The following EGFLAM variants were observed in gnomAD, a reference collection of about 807,000 sequenced individuals.
EGFLAM encodes the protein pikachurin.
EGFLAM carries 79 observed loss-of-function variants against 113.1 expected under a neutral mutation model. The ratio of observed to expected loss-of-function variants is 0.70; its 90% confidence interval spans 0.58 to 0.84. The LOEUF (loss-of-function observed/expected upper bound fraction) is 0.84. Ranked by LOEUF, EGFLAM falls within the 40% of genes least tolerant of loss-of-function variation. EGFLAM has a pLI of 0.00. For missense variants in EGFLAM, 1,265 were observed against 1,291.6 expected, an observed-to-expected ratio of 0.98 and a Z score of 0.32; for synonymous variants, 504 against 487.6, an observed-to-expected ratio of 1.03 and a Z score of -0.44.
chr5:38,337,444 C>G (rs931561612), intron 1 of EGFLAM, 76 bp from the exon 2 acceptor site: 1 of 1,312,034 alleles, frequency 7.6e-7, no homozygotes, highest in Non-Finnish European at 1.0e-6. Context: ...AGATAATGCA[C>G]TCTTAAATCT....
chr5:38,459,947 G>C (rs1010760347), intron 20 of EGFLAM, among the ~76,000 whole-genome samples: 1 of 152,246 alleles, frequency 6.6e-6, no homozygotes. Context: ...AAGAAATGTT[G>C]TCCCATCATG....
chr5:38,318,787 A>G (rs1190663102), intron 1 of EGFLAM, among the ~76,000 whole-genome samples: 1 of 152,110 alleles, frequency 6.6e-6, no homozygotes, highest in Non-Finnish European at 1.5e-5. Flanking sequence ...TACAGGCATG[A>G]GCCACCATGC....
At chr5:38,426,541 A>G (rs1439278884) in intron 13 of EGFLAM, among the ~76,000 whole-genome samples, 2 of 152,238 alleles carry the variant, frequency 1.3e-5, no homozygotes, top group East Asian at 3.8e-4. Context: ...AAAAGAGGGC[A>G]TGTGAGTCAG....
At chr5:38,283,392 T>C (rs1168444503) in intron 1 of EGFLAM, among the ~76,000 whole-genome samples, 1 of 152,186 alleles carries the variant, frequency 6.6e-6, no homozygotes, top group Non-Finnish European at 1.5e-5. Flanking sequence ...AGATCATTCA[T>C]TGTTATAATG....
chr5:38,423,901 A>G (rs1029775120), intron 12 of EGFLAM, among the ~76,000 whole-genome samples: 2 of 152,172 alleles, frequency 1.3e-5, no homozygotes, highest in African/African-American at 4.8e-5. Context: ...AGACTGGACC[A>G]ATTCAAGGAG....
In EGFLAM at chr5:38,406,854, A is replaced by C. The variant is rs780234395; in HGVS notation, c.855A>C (p.Gly285=). The C allele has an allele frequency of 2.5e-6, 4 of 1,613,998 alleles. No individual in the cohort carries two copies. Among genetic ancestry groups the C allele is most frequent in the Non-Finnish European group, 3.4e-6 (4 of 1,179,910 alleles). ...TTAAACCACTTCCTGCTACCAAAGG[A>C]GGGAATAAGAAATTTTTGGTGGAAA... is the stretch of plus-strand genomic sequence containing the variant. ...EEVKPLPATK[G]GNKKFLVESK... is the part of the protein sequence containing the mutation. Residue 285 remains glycine (G), a synonymous_variant, in exon 8 of 22, where the codon GGA becomes GGC. Transcript: ENST00000322350.
chr5:38,376,068 C>T (rs1213315195), intron 6 of EGFLAM, among the ~76,000 whole-genome samples: 3 of 151,402 alleles, frequency 2.0e-5, no homozygotes, highest in Middle Eastern at 3.4e-3. Context: ...TTTTTTTTTT[C>T]CCTGCAAGAA....
intron 1 of EGFLAM, among the ~76,000 whole-genome samples, chr5:38,288,193 G>A (rs1329901775): frequency 6.6e-6 from 1 of 151,942 alleles, no homozygotes; most frequent in Admixed American, 6.6e-5. Context: ...CAGGTTAGAT[G>A]GTCTGCAGAT....
intron 6 of EGFLAM, among the ~76,000 whole-genome samples, chr5:38,378,825 C>T (rs1342185893): frequency 2.6e-5 from 4 of 152,166 alleles, no homozygotes; most frequent in Non-Finnish European, 5.9e-5. Context: ...AAGATGGGTA[C>T]AGTAATCCTG....
intron 1 of EGFLAM, among the ~76,000 whole-genome samples, chr5:38,295,359 A>G (rs1758428171): frequency 6.6e-6 from 1 of 152,274 alleles, no homozygotes; most frequent in African/African-American, 2.4e-5. Context: ...TTGCAGTAGT[A>G]GTCAAGACAG....
chr5:38,407,567 T>G (rs1197893105), intron 8 of EGFLAM, among the ~76,000 whole-genome samples: 1 of 152,234 alleles, frequency 6.6e-6, no homozygotes, highest in East Asian at 1.9e-4. Flanking sequence ...ATTGGTTTCT[T>G]CTTAGGAAAG....
intron 6 of EGFLAM, among the ~76,000 whole-genome samples, chr5:38,399,410 T>C (rs1252248685): frequency 2.0e-5 from 3 of 151,186 alleles, no homozygotes; most frequent in Admixed American, 1.3e-4. Flanking sequence ...CCTGAGTAGG[T>C]GGGATCACAG....
intron 10 of EGFLAM, among the ~76,000 whole-genome samples, chr5:38,411,360 G>A (rs527405919): frequency 3.1e-4 from 47 of 152,122 alleles, no homozygotes; most frequent in Middle Eastern, 3.4e-3. Flanking sequence ...CCTGGGAGGC[G>A]GAGGTTGCAG....
At chr5:38,284,735 T>C (rs1758113568) in intron 1 of EGFLAM, among the ~76,000 whole-genome samples, 2 of 152,238 alleles carry the variant, frequency 1.3e-5, no homozygotes, top group Non-Finnish European at 2.9e-5. Flanking sequence ...TTGTAATGGT[T>C]GAAATGTATG....
rs557128450 is a variant in EGFLAM at position 38,296,085 on chromosome 5, A to C, written c.97+37234A>C. 5.9e-5 allele frequency among the ~76,000 whole-genome samples: 9 copies of C among 152,274 alleles called. No individual in the cohort carries two copies. In the South Asian group the frequency reaches 1.9e-3, roughly 32 times the overall value. ...GTTTTAGAAATGTTGCGGATGCTCA[A>C]CATGGGGATTTGGGGTGGGGGTAAG... On this transcript the variant is annotated intron_variant, in intron 1 of 21. Transcript: ENST00000322350.
intron 4 of EGFLAM, 123 bp from the exon 5 acceptor site, chr5:38,352,073 C>T (rs1025290261): frequency 1.4e-6 from 2 of 1,391,160 alleles, no homozygotes; most frequent in Non-Finnish European, 2.0e-6. Flanking sequence ...ATAGGAAGCA[C>T]TCGAGCTGTT....
rs10523377 is a variant in EGFLAM at position 38,329,292 on chromosome 5, GATAAATAAATAAATAAATAAATAA to G, written c.98-8205_98-8182del. ...TGACAGAGGGAGACCCTATCTCAAAGATAAATAAATAAATAAATAAATAAATAAATAAATAAATAAATAAATTTT... is the reference window on the plus strand; with the variant it reads ...TGACAGAGGGAGACCCTATCTCAAAGATAAATAAATAAATAAATAAATTTT... On this transcript the variant is annotated intron_variant, in intron 1 of 21. Transcript: ENST00000322350. Among the ~76,000 whole-genome samples, 526 of 146,814 alleles carry G rather than the reference GATAAATAAATAAATAAATAAATAA, an allele frequency of 3.6e-3. 10 individuals are homozygous for G. In the East Asian group the frequency reaches 0.048, roughly 13 times the overall value.
rs138323038 is a variant in EGFLAM at position 38,406,958 on chromosome 5, C to T, written c.959C>T (p.Thr320Met). The change falls in exon 8 of 22, where the codon ACG becomes ATG. Residue 320 changes from threonine to methionine, a missense_variant. Thr to Met is a moderately conservative substitution (Grantham distance 81). Transcript: ENST00000322350. ...PPTSASLPVT[T>M]VAPQPIPIQR... ...ACCTCAGCATCTCTCCCTGTGACCA[C>T]GGTGGCTCCCCAGCCCATTCCCATA... 0.016 allele frequency: 25,515 copies of T among 1,614,200 alleles called. 292 individuals carry two copies. The highest frequency in any genetic ancestry group is 0.022 in the Middle Eastern group (135 of 6,062).
At chr5:38,462,696 T>C in intron 20 of EGFLAM, 1 of 521,100 alleles carries the variant, frequency 1.9e-6, no homozygotes, top group Non-Finnish European at 3.5e-6. Flanking sequence ...TGTGTTGTCA[T>C]TCACAGTTTG....
Sources: allele counts gnomAD v4.1 joint callset (sites outside exome capture counted in the v4.1 genomes callset), GRCh38; gene constraint gnomAD v4.1.1; transcripts MANE v1.5; gene names NCBI Gene and HGNC (gene_info 2026-07-23, HGNC 2026-07-21).